MSI1: variants seen among roughly 807,000 people sequenced by gnomAD.
MSI1 encodes the protein RNA-binding protein Musashi homolog 1.
MSI1 carries 15 observed loss-of-function variants against 54.4 expected under a neutral mutation model. The observed-to-expected ratio is 0.28, with a 90% CI of 0.18 to 0.42. The LOEUF (loss-of-function observed/expected upper bound fraction) is 0.42, where lower values mean the gene tolerates loss of function less well. Ranked by LOEUF, MSI1 falls within the 20% of genes least tolerant of loss-of-function variation. The probability of loss-of-function intolerance (pLI) is 1.00; values close to 1 mark genes in which losing one functional copy is unlikely to be tolerated. For missense variants in MSI1, 304 were observed against 506.0 expected (o/e 0.60, Z 3.83); for synonymous variants, 200 against 196.5 (o/e 1.02, Z -0.15).
At chr12:120,349,566 G>A (rs907787637) in intron 11 of MSI1, among the ~76,000 whole-genome samples, 3 of 152,188 alleles carry the variant, frequency 2.0e-5, no homozygotes, top group Non-Finnish European at 4.4e-5. Flanking sequence ...TCCTTCCTCT[G>A]GAATTTCAGT....
intron 4 of MSI1, among the ~76,000 whole-genome samples, chr12:120,367,664 C>A (rs1292779137): frequency 6.6e-6 from 1 of 151,996 alleles, no homozygotes; most frequent in Non-Finnish European, 1.5e-5. Context: ...TCAGTGCTAC[C>A]CTGACTCACC....
At chr12:120,351,080 C>G (rs1350028514) in intron 11 of MSI1, among the ~76,000 whole-genome samples, 1 of 152,082 alleles carries the variant, frequency 6.6e-6, no homozygotes, top group Admixed American at 6.6e-5. Context: ...GCCTGGCACA[C>G]GAGAGGTGCT....
downstream of MSI1, among the ~76,000 whole-genome samples, chr12:120,340,406 G>A (rs147430952): frequency 2.3e-3 from 351 of 152,254 alleles, 2 homozygotes; most frequent in Non-Finnish European, 3.8e-3. Context: ...TATCTTTTAA[G>A]CTTCTCCACA....
Position 120,368,929 on chromosome 12 carries a change from AG to A in MSI1, c.60-57del. On this transcript the variant is annotated intron_variant, in intron 1 of 14. Transcript: ENST00000257552. The surrounding 1 kb of genome is among the most constrained non-coding windows in gnomAD (Gnocchi z 6.6). ...GCGTGAGCGCCGGGCGCCAGGGCGC[AG>A]GGGGCGCGGGCCCGGGCTCCGGGGA... The A allele has an allele frequency of 5.4e-6, 7 of 1,306,146 alleles. No individual in the cohort carries two copies. Among genetic ancestry groups the A allele is most frequent in the South Asian group, 1.7e-5 (1 of 57,300 alleles). The allele number at this position is 1,306,146 out of a possible 1,614,324, so 80.9% of individuals were successfully genotyped here.
intron 6 of MSI1, among the ~76,000 whole-genome samples, chr12:120,359,857 A>G (rs1875479025): frequency 2.0e-5 from 3 of 151,998 alleles, no homozygotes; most frequent in Admixed American, 1.3e-4. Context: ...ATCCTACTCC[A>G]GGCCCCAACC....
At chr12:120,348,673 C>G (rs949142950) in intron 11 of MSI1, among the ~76,000 whole-genome samples, 1 of 151,642 alleles carries the variant, frequency 6.6e-6, no homozygotes, top group African/African-American at 2.4e-5. Context: ...CACCTGAAGT[C>G]GGGAGTTCAA....
chr12:120,357,743 TA>T, intron 8 of MSI1, 72 bp downstream of exon 8: 1 of 1,440,902 alleles, frequency 6.9e-7, no homozygotes, highest in Non-Finnish European at 9.7e-7. Flanking sequence ...TGACCTCATG[TA>T]ATCTGCCCAC....
chr12:120,363,185 C>A (rs73221336), intron 5 of MSI1, 50 bp from the exon 6 acceptor site: 2 of 1,531,822 alleles, frequency 1.3e-6, no homozygotes, highest in Non-Finnish European at 9.0e-7. Context: ...TGTGGCCTAC[C>A]GCCACCAGCA....
chr12:120,361,795 G>A (rs1039758753), intron 6 of MSI1, among the ~76,000 whole-genome samples: 1 of 151,618 alleles, frequency 6.6e-6, no homozygotes, highest in Non-Finnish European at 1.5e-5. Context: ...CCTATTCTCC[G>A]GCTCCCCCTG....
chr12:120,343,607 A>G (rs1463057566), intron 14 of MSI1, among the ~76,000 whole-genome samples: 4 of 152,190 alleles, frequency 2.6e-5, no homozygotes, highest in Non-Finnish European at 5.9e-5. Flanking sequence ...TCCCCTTCTC[A>G]GAGATACCTT....
At chr12:120,361,018 G>C (rs1177890979) in intron 6 of MSI1, among the ~76,000 whole-genome samples, 3 of 152,068 alleles carry the variant, frequency 2.0e-5, no homozygotes, top group Non-Finnish European at 4.4e-5. Context: ...GATATAGTAA[G>C]TGCCTAATAA....
At chr12:120,352,492 T>C (rs1374693377) in intron 10 of MSI1, among the ~76,000 whole-genome samples, 3 of 152,008 alleles carry the variant, frequency 2.0e-5, no homozygotes, top group African/African-American at 7.2e-5. Context: ...AGTTGGCTCA[T>C]CTTAGCTTTG....
At chr12:120,359,907 A>AG (rs1278324486) in intron 6 of MSI1, among the ~76,000 whole-genome samples, 1 of 151,856 alleles carries the variant, frequency 6.6e-6, no homozygotes, top group Non-Finnish European at 1.5e-5. Flanking sequence ...TTAAAAAAAA[A>AG]CTTTTCTCAA....
At chr12:120,344,145 T>C (rs1205527499) in intron 14 of MSI1, among the ~76,000 whole-genome samples, 1 of 152,142 alleles carries the variant, frequency 6.6e-6, no homozygotes, top group Non-Finnish European at 1.5e-5. Context: ...CGTGAGCCAC[T>C]GCGCCCGGCC....
At chr12:120,346,096 T>TG in intron 13 of MSI1, 39 bp downstream of exon 13, 2 of 1,476,904 alleles carry the variant, frequency 1.4e-6, no homozygotes, top group Non-Finnish European at 9.0e-7. Flanking sequence ...TCTCAAGGTG[T>TG]GGGGGGTGAG....
chr12:120,345,485 G>A (rs187882218), intron 14 of MSI1, 85 bp downstream of exon 14: 3 of 1,222,982 alleles, frequency 2.5e-6, no homozygotes, highest in African/African-American at 1.5e-5. Context: ...TTGAGGGCAG[G>A]GATGGGGTCT....
chr12:120,350,346 T>C (rs1874488159), intron 11 of MSI1, among the ~76,000 whole-genome samples: 1 of 152,048 alleles, frequency 6.6e-6, no homozygotes, highest in Non-Finnish European at 1.5e-5. Flanking sequence ...CTTAAATGAG[T>C]AACAAGGACC....
intron 8 of MSI1, among the ~76,000 whole-genome samples, chr12:120,357,297 G>A (rs1000499842): frequency 2.6e-5 from 4 of 152,134 alleles, no homozygotes; most frequent in Non-Finnish European, 1.5e-5. Flanking sequence ...CTCAGAGAAG[G>A]GAGGTCATCT....
intron 6 of MSI1, 55 bp downstream of exon 6, chr12:120,362,988 C>G (rs1410680083): frequency 2.1e-6 from 3 of 1,440,740 alleles, no homozygotes; most frequent in Non-Finnish European, 2.9e-6. Flanking sequence ...TGCTAGTGCC[C>G]CATTCTACAG....
Sources: allele counts gnomAD v4.1 joint callset (sites outside exome capture counted in the v4.1 genomes callset), GRCh38; gene constraint gnomAD v4.1.1; non-coding constraint Gnocchi (gnomAD v3.1); transcripts MANE v1.5; gene names NCBI Gene and HGNC (gene_info 2026-07-23, HGNC 2026-07-21).